Variants in CASP4 observed in about 807,000 individuals in gnomAD.
The protein encoded by CASP4 is caspase 4.
CASP4 carries 29 observed loss-of-function variants against 41.3 expected under a neutral mutation model. The ratio of observed to expected loss-of-function variants is 0.70; its 90% CI spans 0.52 to 0.96. The LOEUF (loss-of-function observed/expected upper bound fraction) is 0.96, where lower values mean the gene tolerates loss of function less well. CASP4 is among the 40% of genes least tolerant of loss of function. The pLI is 0.00. For synonymous variants in CASP4, 185 were observed against 158.4 expected (o/e 1.17, Z -1.26); for missense variants, 447 against 460.6 (o/e 0.97, Z 0.27).
Position 104,954,698 on chromosome 11 carries a change from A to C in CASP4, c.262+49T>G, listed in dbSNP as rs763961152. ...GACACTGCTTAGGCCTTGGAGTTAA[A>C]CAGATTTAGGGAAAATTGAGACATT... On this transcript the variant is annotated intron_variant, in intron 2 of 8. Transcript: ENST00000444739. 3.0e-5 allele frequency: 47 copies of C among 1,569,810 alleles called. 1 individual carries two copies. In the South Asian group the frequency reaches 5.1e-4, roughly 17 times the overall value.
At chr11:104,956,204 T>C (rs1565367661) in intron 1 of CASP4, among the ~76,000 whole-genome samples, 1 of 152,136 alleles carries the variant, frequency 6.6e-6, no homozygotes, top group Non-Finnish European at 1.5e-5. Flanking sequence ...TTTACAAATG[T>C]TAATATACTG....
intron 5 of CASP4, chr11:104,949,039 C>G (rs566668744): frequency 2.7e-4 from 58 of 212,336 alleles, no homozygotes; most frequent in African/African-American, 1.1e-3. Flanking sequence ...TAGGCATGAG[C>G]CACCATCCTC....
rs377722082 is a variant in CASP4 at position 104,951,974 on chromosome 11, C to G, written c.294G>C (p.Glu98Asp). 2.5e-6 allele frequency: 4 copies of G among 1,612,486 alleles called. No individual in the cohort carries two copies. Among genetic ancestry groups the G allele is most frequent in the Non-Finnish European group, 3.4e-6 (4 of 1,179,060 alleles). ...TGAGGGCATCTGTAGATTCTCCTGA[C>G]TCAGGTGGTCCAGCCTCCATATTCG... ...AHPNMEAGPP[E>D]SGESTDALKL... The change falls in exon 3 of 9, where the codon GAG (glutamate) becomes GAC (aspartate). Residue 98 changes from glutamate (E) to aspartate (D), a missense_variant. Glu to Asp is a conservative substitution (Grantham distance 45). Coordinates refer to ENST00000444739, the MANE Select transcript of CASP4 (RefSeq NM_001225.4).
intron 1 of CASP4, among the ~76,000 whole-genome samples, chr11:104,959,859 C>G (rs1860819319): frequency 6.6e-6 from 1 of 152,206 alleles, no homozygotes; most frequent in Non-Finnish European, 1.5e-5. Flanking sequence ...CCACTTCTCT[C>G]AATTCTAATT....
Position 104,948,585 on chromosome 11 carries a change from A to G in CASP4, c.873T>C (p.Val291=). The G allele has an allele frequency of 6.2e-7, 1 of 1,611,548 alleles. No homozygotes were observed. Among genetic ancestry groups the G allele is most frequent in the South Asian group, 1.1e-5 (1 of 90,576 alleles). Residue 291 remains valine, a synonymous_variant, in exon 6 of 9, where the codon GTT becomes GTC. Coordinates refer to ENST00000444739, the MANE Select transcript of CASP4 (RefSeq NM_001225.4). ...AGTCCTTCTCCACGTGGGTCTTGTAAACAGCATCTTCCTCTAGGTTCTCAG... is the reference window on the plus strand; with the variant it reads ...AGTCCTTCTCCACGTGGGTCTTGTAGACAGCATCTTCCTCTAGGTTCTCAG... ...QSSENLEEDA[V]YKTHVEKDFI...
chr11:104,945,248 C>T (rs1444600259), intron 7 of CASP4, among the ~76,000 whole-genome samples: 2 of 78,004 alleles, frequency 2.6e-5, no homozygotes, highest in Non-Finnish European at 4.9e-5. Context: ...AGTATCTTAT[C>T]TTTCTTTTTT....
intron 1 of CASP4, among the ~76,000 whole-genome samples, chr11:104,965,658 C>T (rs775137027): frequency 8.5e-5 from 13 of 152,128 alleles, no homozygotes; most frequent in African/African-American, 2.9e-4. Context: ...GAAACAAAAC[C>T]GGTAACAGCC....
chr11:104,946,953 C>G, intron 7 of CASP4, 130 bp downstream of exon 7: 1 of 647,892 alleles, frequency 1.5e-6, no homozygotes, highest in Non-Finnish European at 2.8e-6. Flanking sequence ...TTTTAAACAA[C>G]TGAATGACAG....
intron 1 of CASP4, among the ~76,000 whole-genome samples, chr11:104,955,358 A>G (rs1166593669): frequency 6.6e-6 from 1 of 151,972 alleles, no homozygotes; most frequent in East Asian, 1.9e-4. Flanking sequence ...CCTAAAATAT[A>G]TATTCCCGGG....
At chr11:104,945,314 G>A (rs1591124286) in intron 7 of CASP4, among the ~76,000 whole-genome samples, 1 of 149,198 alleles carries the variant, frequency 6.7e-6, no homozygotes. Context: ...GTGCAATGGT[G>A]CAACCTCGGC....
chr11:104,948,837 C>CACACAG (rs1555069939), intron 5 of CASP4, 161 bp from the exon 6 acceptor site: 1 of 458,370 alleles, frequency 2.2e-6, no homozygotes, highest in Non-Finnish European at 3.8e-6. Flanking sequence ...CACACACACA[C>CACACAG]CACTTTTCTT....
intron 1 of CASP4, among the ~76,000 whole-genome samples, chr11:104,960,060 G>T (rs959201582): frequency 4.6e-5 from 7 of 152,078 alleles, no homozygotes; most frequent in Non-Finnish European, 8.8e-5. Context: ...TTCTGATACT[G>T]TTCCCACCTT....
chr11:104,954,139 G>A (rs140219845), intron 2 of CASP4, among the ~76,000 whole-genome samples: 1 of 152,186 alleles, frequency 6.6e-6, no homozygotes, highest in East Asian at 1.9e-4. Flanking sequence ...AGATGAAAAG[G>A]GAATAAAAAT....
At position 104,949,672 on chromosome 11, in the gene CASP4, C is replaced by T. The variant is rs775948944; in HGVS notation, c.652G>A (p.Gly218Arg). 4.3e-6 allele frequency: 7 copies of T among 1,613,744 alleles called. No homozygotes were observed. The highest frequency in any genetic ancestry group is 1.6e-4 in the Middle Eastern group (1 of 6,082). Reference sequence around the variant, plus strand: ...GGTTTTTTCTCATCATGCACAGTTCCGCAGATTCCCTCCAGGATGCCATGA... The same window carrying T: ...GGTTTTTTCTCATCATGCACAGTTCTGCAGATTCCCTCCAGGATGCCATGA... ...MSHGILEGIC[G>R]TVHDEKKPDV... Residue 218 changes from glycine (G) to arginine (R), a missense_variant, in exon 5 of 9, where the codon GGA becomes AGA. Physicochemically the swap from Gly to Arg is moderately radical, Grantham distance 125. Coordinates refer to ENST00000444739, the MANE Select transcript of CASP4 (RefSeq NM_001225.4).
intron 8 of CASP4, 132 bp downstream of exon 8, chr11:104,944,616 A>G: frequency 3.3e-6 from 2 of 598,022 alleles, no homozygotes; most frequent in Non-Finnish European, 6.0e-6. Flanking sequence ...GTAGCAGATA[A>G]TCACCAGACT....
At chr11:104,964,839 A>G (rs970371295) in intron 1 of CASP4, among the ~76,000 whole-genome samples, 1 of 152,220 alleles carries the variant, frequency 6.6e-6, no homozygotes, top group Admixed American at 6.5e-5. Context: ...TTGGCTCTTA[A>G]AAAGTCTTAT....
At chr11:104,953,747 C>T (rs185910648) in intron 2 of CASP4, among the ~76,000 whole-genome samples, 1 of 152,182 alleles carries the variant, frequency 6.6e-6, no homozygotes, top group East Asian at 1.9e-4. Context: ...AAGATTTCAG[C>T]TTAAATTCTG....
chr11:104,949,339 A>C (rs1860546440), intron 5 of CASP4: 1 of 589,994 alleles, frequency 1.7e-6, no homozygotes, highest in East Asian at 4.1e-5. Context: ...CTTACTGTGG[A>C]TAAAATTGAA....
intron 6 of CASP4, chr11:104,947,440 A>T (rs1860492314): frequency 3.9e-6 from 1 of 259,688 alleles, no homozygotes; most frequent in Non-Finnish European, 7.3e-6. Flanking sequence ...AGAAATTTTG[A>T]TTCTTGGGAT....
Sources: allele counts gnomAD v4.1 joint callset (sites outside exome capture counted in the v4.1 genomes callset), GRCh38; gene constraint gnomAD v4.1.1; transcripts MANE v1.5; gene names NCBI Gene and HGNC (gene_info 2026-07-23, HGNC 2026-07-21).